The following RAB6B variants were observed in gnomAD, a reference collection of about 807,000 sequenced individuals.
RAB6B encodes ras-related protein Rab-6B.
Under a neutral mutation model 31.2 loss-of-function variants are expected in RAB6B, and 7 were observed. That is an observed-to-expected ratio of 0.22 (90% CI 0.13 to 0.42). The LOEUF is 0.42. Among genes scored for constraint, RAB6B ranks in the 10% least tolerant of loss-of-function variants. The pLI is 1.00. For missense variants in RAB6B, 149 were observed against 280.6 expected (o/e 0.53, Z 3.35); for synonymous variants, 105 against 104.9 (o/e 1.00, Z -0.01).
intron 1 of RAB6B, among the ~76,000 whole-genome samples, chr3:133,872,911 G>A (rs1016250303): frequency 2.0e-5 from 3 of 152,346 alleles, no homozygotes; most frequent in South Asian, 4.1e-4. Context: ...AGAGGGGAGG[G>A]AGGAGTCAAA....
At chr3:133,872,742 C>G (rs1936343440) in intron 1 of RAB6B, among the ~76,000 whole-genome samples, 1 of 152,226 alleles carries the variant, frequency 6.6e-6, no homozygotes, top group Non-Finnish European at 1.5e-5. Flanking sequence ...GTGAAAAACC[C>G]CATTTCAAAC....
chr3:133,862,367 C>T (rs983914855), intron 2 of RAB6B, among the ~76,000 whole-genome samples: 6 of 152,214 alleles, frequency 3.9e-5, no homozygotes, highest in African/African-American at 1.2e-4. Context: ...GTCCTGGCCT[C>T]AGCCAAGCAC....
rs1003393763 is a variant in RAB6B at position 133,837,768 on chromosome 3, A to G, written c.495+398T>C. 2.0e-5 allele frequency among the ~76,000 whole-genome samples: 3 copies of G among 152,172 alleles called. No homozygotes were observed. In the South Asian group the frequency reaches 6.2e-4, roughly 32 times the overall value. ...ACAGCCCTGAGCACTTGCTAAGCGC[A>G]AGGCATGAACCCCAAATGCTGATCA... is the stretch of plus-strand genomic sequence containing the variant. On this transcript the variant is annotated intron_variant, in intron 6 of 7. Coordinates refer to ENST00000285208, the MANE Select transcript of RAB6B (RefSeq NM_016577.4).
chr3:133,881,155 C>T (rs866065756), intron 1 of RAB6B, among the ~76,000 whole-genome samples: 2 of 152,178 alleles, frequency 1.3e-5, no homozygotes, highest in East Asian at 3.8e-4. Context: ...GGCACCAGGG[C>T]AAGGAGATGG....
intron 7 of RAB6B, 53 bp downstream of exon 7, chr3:133,834,522 G>GAAT: frequency 6.4e-7 from 1 of 1,554,336 alleles, no homozygotes; most frequent in East Asian, 2.2e-5. Flanking sequence ...CATATTCAGT[G>GAAT]AATAAATGGC....
At chr3:133,866,397 G>A (rs1376277915) in intron 1 of RAB6B, among the ~76,000 whole-genome samples, 1 of 152,114 alleles carries the variant, frequency 6.6e-6, no homozygotes, top group African/African-American at 2.4e-5. Context: ...GCTGGGTTCA[G>A]GATTCTGCCA....
chr3:133,840,826 C>G (rs1245654817), intron 4 of RAB6B, among the ~76,000 whole-genome samples: 4 of 152,102 alleles, frequency 2.6e-5, no homozygotes, highest in African/African-American at 4.8e-5. Flanking sequence ...CGCTTCCAGA[C>G]CCCCTTGCCT....
chr3:133,857,006 C>T (rs1158079711), intron 2 of RAB6B, among the ~76,000 whole-genome samples: 3 of 152,144 alleles, frequency 2.0e-5, no homozygotes, highest in African/African-American at 4.8e-5. Flanking sequence ...GTGCTCTGCC[C>T]GAAGTCTATG....
chr3:133,868,664 T>C (rs1936275721), intron 1 of RAB6B, among the ~76,000 whole-genome samples: 1 of 152,238 alleles, frequency 6.6e-6, no homozygotes, highest in African/African-American at 2.4e-5. Context: ...GCAATGTTCT[T>C]GTAATCTTCT....
intron 7 of RAB6B, among the ~76,000 whole-genome samples, chr3:133,833,451 C>G (rs565634083): frequency 6.6e-6 from 1 of 152,042 alleles, no homozygotes; most frequent in East Asian, 1.9e-4. Context: ...GGGTGGGTCT[C>G]GAGTCTGCTC....
At chr3:133,858,625 A>C (rs1465093473) in intron 2 of RAB6B, among the ~76,000 whole-genome samples, 1 of 152,210 alleles carries the variant, frequency 6.6e-6, no homozygotes, top group African/African-American at 2.4e-5. Context: ...GGGCCACCCT[A>C]ATAATCTCAT....
chr3:133,861,913 G>T (rs560746808), intron 2 of RAB6B, among the ~76,000 whole-genome samples: 32 of 152,158 alleles, frequency 2.1e-4, no homozygotes, highest in Non-Finnish European at 3.8e-4. Flanking sequence ...TTGGGGTGAG[G>T]TAAGCTGAAT....
intron 2 of RAB6B, among the ~76,000 whole-genome samples, chr3:133,844,949 A>AG (rs1161394790): frequency 6.6e-6 from 1 of 151,034 alleles, no homozygotes; most frequent in African/African-American, 2.4e-5. Context: ...GCTCAAAAGA[A>AG]AAAAAAAAAA....
At chr3:133,834,535 C>A in intron 7 of RAB6B, 40 bp downstream of exon 7, 2 of 1,568,666 alleles carry the variant, frequency 1.3e-6, no homozygotes. Flanking sequence ...TAAATGGCTT[C>A]TATACATCTT....
At chr3:133,877,435 T>C (rs1385906345) in intron 1 of RAB6B, among the ~76,000 whole-genome samples, 1 of 152,202 alleles carries the variant, frequency 6.6e-6, no homozygotes, top group African/African-American at 2.4e-5. Context: ...AGTCTCATCA[T>C]TTACGGGATG....
At chr3:133,865,556 T>C (rs1185108509) in intron 1 of RAB6B, among the ~76,000 whole-genome samples, 1 of 152,246 alleles carries the variant, frequency 6.6e-6, no homozygotes, top group Non-Finnish European at 1.5e-5. Context: ...TGCCTGTCTG[T>C]ACTGTCCTAT....
intron 2 of RAB6B, among the ~76,000 whole-genome samples, chr3:133,849,441 C>T (rs34591467): frequency 0.22 from 33,484 of 152,172 alleles, 4,592 homozygotes; most frequent in Middle Eastern, 0.35. Flanking sequence ...AGTTTGCAAA[C>T]TGCCTTCTGT....
chr3:133,827,812 C>A lies in RAB6B; in HGVS notation c.*976G>T. 2.3e-6 allele frequency: 1 copy of A among 435,582 alleles called. No homozygotes were observed. Among genetic ancestry groups the A allele is most frequent in the South Asian group, 1.7e-5 (1 of 58,418 alleles). 27.0% of individuals were successfully genotyped at this position (435,582 alleles called of 1,614,324 possible). A position where few individuals can be genotyped will look rare whatever the true frequency, so the allele number is the denominator to read the frequency against. ...CCAGGTGGTCCAGCTTCCCTGACAT[C>A]CAGGAGGAAGGCTTCAGGATGGCAC... is the stretch of plus-strand genomic sequence containing the variant. On this transcript the variant is annotated 3_prime_UTR_variant, in exon 8 of 8. Transcript: ENST00000285208.
intron 1 of RAB6B, among the ~76,000 whole-genome samples, chr3:133,872,556 C>T (rs1299451953): frequency 1.3e-5 from 2 of 152,194 alleles, no homozygotes; most frequent in Admixed American, 1.3e-4. Flanking sequence ...AACAGAAAGT[C>T]CAGCCCTATT....
Sources: gnomAD v4.1 joint callset for allele counts (sites outside exome capture counted in the v4.1 genomes callset) on GRCh38, gnomAD v4.1.1 for gene constraint, MANE v1.5 for transcripts, NCBI Gene and HGNC (gene_info 2026-07-23, HGNC 2026-07-21) for gene names.